Variants in PAK4 observed in about 807,000 individuals in gnomAD.
PAK4 encodes p21 (RAC1) activated kinase 4.
A neutral mutation model predicts 53.5 loss-of-function variants in PAK4; 49 were observed. The observed-to-expected ratio is 0.92, with a 90% CI of 0.73 to 1.16. The LOEUF (loss-of-function observed/expected upper bound fraction) is 1.16, where lower values mean the gene tolerates loss of function less well. PAK4 is among the 50% of genes most tolerant of loss of function. PAK4 has a pLI of 0.00. For synonymous variants in PAK4, 376 were observed against 375.6 expected (o/e 1.00, Z -0.01); for missense variants, 824 against 850.7 (o/e 0.97, Z 0.39).
At position 39,178,785 on chromosome 19, in the gene PAK4, G is replaced by A. The variant is rs2074663213; in HGVS notation, c.*206G>A. Reference sequence around the variant, plus strand: ...TAGAAAAACACAGGGACTCGTGGGAGCAAGCGAGGCTCCCAGGACCCCCAC... The same window carrying A: ...TAGAAAAACACAGGGACTCGTGGGAACAAGCGAGGCTCCCAGGACCCCCAC... On this transcript the variant is annotated 3_prime_UTR_variant, in exon 9 of 9. Coordinates refer to ENST00000358301, the Ensembl canonical transcript of PAK4. This position sits in a 1 kb window ranked among gnomAD's most constrained non-coding sequence, Gnocchi z 4.4. The A allele has an allele frequency of 1.0e-5, 5 of 492,358 alleles. No individual in the cohort carries two copies. The highest frequency in any genetic ancestry group is 1.8e-5 in the Non-Finnish European group (5 of 279,042). 30.5% of individuals were successfully genotyped at this position (492,358 alleles called of 1,614,324 possible). A position where few individuals can be genotyped will look rare whatever the true frequency, so the allele number is the denominator to read the frequency against.
intron 4 of PAK4, 50 bp downstream of exon 5, chr19:39,174,060 CCCA>C: frequency 8.7e-7 from 1 of 1,148,870 alleles, no homozygotes; most frequent in Non-Finnish European, 1.2e-6. Context: ...ACCCCTCCCT[CCCA>C]CCCTCCCTCC....
rs2074659325 is a variant in PAK4 at position 39,178,596 on chromosome 19, C to G, written c.*17C>G. Reference sequence around the variant, plus strand: ...ACCAGATGAGGCCCAGCGCCCTTCCCCTCAACCAAAGAGCCCCCCGGGTCA... The same window carrying G: ...ACCAGATGAGGCCCAGCGCCCTTCCGCTCAACCAAAGAGCCCCCCGGGTCA... On this transcript the variant is annotated 3_prime_UTR_variant, in exon 9 of 9. Coordinates refer to ENST00000358301, the Ensembl canonical transcript of PAK4. This position sits in a 1 kb window ranked among gnomAD's most constrained non-coding sequence, Gnocchi z 4.4. 1 of 1,557,496 alleles carries G rather than the reference C, an allele frequency of 6.4e-7. No homozygotes were observed. The highest frequency in any genetic ancestry group is 8.7e-7 in the Non-Finnish European group (1 of 1,146,800).
chr19:39,145,254 A>G (rs2073980794), intron 1 of PAK4, among the ~76,000 whole-genome samples: 1 of 152,018 alleles, frequency 6.6e-6, no homozygotes, highest in Admixed American at 6.5e-5. Flanking sequence ...CCAGGGCCCC[A>G]GGCGTCGCTG....
At chr19:39,169,562 G>C (rs2074436731) in exon 2 of PAK4, 2 of 1,613,122 alleles carry the variant, frequency 1.2e-6, no homozygotes, top group South Asian at 2.2e-5. Context: ...CCATGTTTGG[G>C]AAGAGGAAGA....
intron 1 of PAK4, among the ~76,000 whole-genome samples, chr19:39,156,535 C>T (rs2074185043): frequency 2.0e-5 from 3 of 151,928 alleles, no homozygotes; most frequent in Non-Finnish European, 4.4e-5. Context: ...GGTTGGGGTC[C>T]CCGCCCAGCC....
chr19:39,164,974 A>G (rs1468639386), intron 1 of PAK4, among the ~76,000 whole-genome samples: 1 of 151,862 alleles, frequency 6.6e-6, no homozygotes, highest in Non-Finnish European at 1.5e-5. Flanking sequence ...CCCATGGGAA[A>G]GGCTGGTGTA....
At chr19:39,136,481 G>C (rs1260512151) in intron 1 of PAK4, 2 of 152,180 alleles carry the variant, frequency 1.3e-5, no homozygotes, top group African/African-American at 4.8e-5. Context: ...CTTCTGTTCA[G>C]TCAGCCTCTG....
At chr19:39,164,887 G>A (rs2144789722) in intron 1 of PAK4, among the ~76,000 whole-genome samples, 1 of 152,230 alleles carries the variant, frequency 6.6e-6, no homozygotes, top group East Asian at 1.9e-4. Context: ...TGGCGATGGT[G>A]GTGGGAGTAC....
intron 7 of PAK4, among the ~76,000 whole-genome samples, chr19:39,177,338 C>T (rs1279311368): frequency 1.3e-5 from 2 of 152,170 alleles, no homozygotes; most frequent in Admixed American, 6.5e-5. Context: ...GGGTCCTGTG[C>T]CTGTTTCTGA....
intron 1 of PAK4, chr19:39,167,846 C>T (rs1309143517): frequency 3.3e-5 from 5 of 152,328 alleles, no homozygotes; most frequent in Non-Finnish European, 7.3e-5. Flanking sequence ...ATCTGCGCGT[C>T]CTCTGTCCTC....
intron 1 of PAK4, among the ~76,000 whole-genome samples, chr19:39,131,308 G>T (rs1352751228): frequency 1.3e-5 from 2 of 152,160 alleles, no homozygotes; most frequent in African/African-American, 4.8e-5. Flanking sequence ...TTCCCCCTGG[G>T]TAGTTTCTGG....
At chr19:39,143,783 A>T (rs935490787) in intron 1 of PAK4, among the ~76,000 whole-genome samples, 10 of 151,806 alleles carry the variant, frequency 6.6e-5, no homozygotes, top group Admixed American at 1.3e-4. Context: ...AAACATTTTT[A>T]AAATTATTGT....
intron 1 of PAK4, among the ~76,000 whole-genome samples, chr19:39,139,493 G>C (rs1304767735): frequency 2.0e-5 from 3 of 152,182 alleles, no homozygotes; most frequent in African/African-American, 7.2e-5. Context: ...TTTGCGAATG[G>C]GGAGGGGACT....
exon 2 of PAK4, chr19:39,169,538 C>G (rs1240832597): frequency 6.2e-7 from 1 of 1,610,292 alleles, no homozygotes; most frequent in East Asian, 2.2e-5. Flanking sequence ...GCAGGCCGCA[C>G]CGAGTCCCCG....
At chr19:39,148,045 G>A (rs574573926) in intron 1 of PAK4, among the ~76,000 whole-genome samples, 36 of 149,248 alleles carry the variant, frequency 2.4e-4, no homozygotes, top group African/African-American at 5.2e-4. Context: ...TCCGCCTCCC[G>A]GGTTCGAGCG....
At chr19:39,146,721 G>A (rs1966480929) in intron 1 of PAK4, among the ~76,000 whole-genome samples, 1 of 152,112 alleles carries the variant, frequency 6.6e-6, no homozygotes, top group South Asian at 2.1e-4. Context: ...TGCACCTGGA[G>A]TCCCAGCTAC....
chr19:39,172,961 CGCT>C (rs1188945854), exon 3 of PAK4: 2 of 1,546,210 alleles, frequency 1.3e-6, no homozygotes, highest in Non-Finnish European at 1.7e-6. Flanking sequence ...GGGGCCCTCA[CGCT>C]GCTGCTGGAC....
chr19:39,154,525 T>C (rs1237581503), intron 1 of PAK4, among the ~76,000 whole-genome samples: 1 of 152,204 alleles, frequency 6.6e-6, no homozygotes, highest in African/African-American at 2.4e-5. Flanking sequence ...GTTTACCCTT[T>C]GGTGCCTTTT....
chr19:39,177,655 T>G lies in PAK4; in HGVS notation c.1486-20T>G. ...CCATCCCCCAACAGCTCAGCCCTGC[T>G]GTCCCTTCTCCCGCCCCAGGTAGAC... On this transcript the variant is annotated intron_variant, in intron 7 of 8. Coordinates refer to ENST00000358301, the Ensembl canonical transcript of PAK4. 6.2e-7 allele frequency: 1 copy of G among 1,606,842 alleles called. No homozygotes were observed. Among genetic ancestry groups the G allele is most frequent in the Non-Finnish European group, 8.5e-7 (1 of 1,175,424 alleles).
Sources: allele counts gnomAD v4.1 joint callset (sites outside exome capture counted in the v4.1 genomes callset), GRCh38; gene constraint gnomAD v4.1.1; non-coding constraint Gnocchi (gnomAD v3.1); transcripts MANE v1.5; gene names NCBI Gene and HGNC (gene_info 2026-07-23, HGNC 2026-07-21).